Variants in WWOX observed in about 807,000 individuals in gnomAD.
The protein encoded by WWOX is WW domain-containing oxidoreductase.
Under a neutral mutation model 46.2 loss-of-function variants are expected in WWOX, and 69 were observed. The observed-to-expected ratio is 1.49, with a 90% CI of 1.23 to 1.82. The LOEUF is 1.82. Ranked by LOEUF, WWOX falls within the 40% of genes most tolerant of loss-of-function variation. The pLI is 0.00. For synonymous variants in WWOX, 359 were observed against 202.6 expected (o/e 1.77, Z -6.56); for missense variants, 919 against 542.6 (o/e 1.69, Z -6.89).
chr16:78,736,784 AT>A (rs1426523570), intron 8 of WWOX, among the ~76,000 whole-genome samples: 1 of 151,948 alleles, frequency 6.6e-6, no homozygotes. Flanking sequence ...ATTTTTAAAA[AT>A]TTTTTTAGAC....
intron 5 of WWOX, among the ~76,000 whole-genome samples, chr16:78,220,780 A>G (rs995463963): frequency 5.3e-5 from 8 of 152,202 alleles, no homozygotes; most frequent in Non-Finnish European, 8.8e-5. Flanking sequence ...GTGATGAGTA[A>G]GTACCACCAT....
intron 8 of WWOX, among the ~76,000 whole-genome samples, chr16:78,997,376 G>C (rs550147863): frequency 2.0e-5 from 3 of 152,210 alleles, no homozygotes; most frequent in South Asian, 2.1e-4. Context: ...GCTTGGGTCT[G>C]TTTCTATTCT....
At chr16:78,907,063 A>G (rs1216469553) in intron 8 of WWOX, among the ~76,000 whole-genome samples, 1 of 152,158 alleles carries the variant, frequency 6.6e-6, no homozygotes, top group Non-Finnish European at 1.5e-5. Flanking sequence ...AGAGCCAGCT[A>G]AACGGGAGAC....
At chr16:79,133,912 G>C (rs1276722673) in intron 8 of WWOX, among the ~76,000 whole-genome samples, 1 of 152,130 alleles carries the variant, frequency 6.6e-6, no homozygotes, top group Non-Finnish European at 1.5e-5. Flanking sequence ...GCATTTGTCA[G>C]GGAAGAGATT....
chr16:78,444,991 G>C (rs111946824), intron 8 of WWOX, among the ~76,000 whole-genome samples: 1 of 152,006 alleles, frequency 6.6e-6, no homozygotes, highest in African/African-American at 2.4e-5. Context: ...TAGTTCTTCT[G>C]TGTGTGTTTC....
At chr16:78,925,287 T>A (rs984953105) in intron 8 of WWOX, among the ~76,000 whole-genome samples, 2 of 152,184 alleles carry the variant, frequency 1.3e-5, no homozygotes. Context: ...GGTGGCAGCA[T>A]ACTGGGATTG....
chr16:79,191,092 C>T (rs1192884657), intron 8 of WWOX, among the ~76,000 whole-genome samples: 3 of 152,102 alleles, frequency 2.0e-5, no homozygotes, highest in East Asian at 1.9e-4. Flanking sequence ...GTTGCAGTGT[C>T]GCCCAGGCTG....
chr16:78,648,271 G>T (rs2046888905), intron 8 of WWOX, among the ~76,000 whole-genome samples: 1 of 152,218 alleles, frequency 6.6e-6, no homozygotes, highest in South Asian at 2.1e-4. Flanking sequence ...CTGGTTTTTA[G>T]ATAGTCTGGA....
At chr16:78,659,926 C>T (rs537412073) in intron 8 of WWOX, among the ~76,000 whole-genome samples, 2 of 152,298 alleles carry the variant, frequency 1.3e-5, no homozygotes, top group East Asian at 3.9e-4. Context: ...GGGCTGTCAC[C>T]ACCAGAAATT....
rs780339512 is a variant in WWOX at position 79,211,827 on chromosome 16, C to A, written c.*31C>A. The A allele has an allele frequency of 1.2e-6, 2 of 1,613,214 alleles. No individual in the cohort carries two copies. On this transcript the variant is annotated 3_prime_UTR_variant, in exon 9 of 9. Coordinates refer to ENST00000566780, the MANE Select transcript of WWOX (RefSeq NM_016373.4). Reference sequence around the variant, plus strand: ...GCTCAGAGCGGATGGGCACACACACCCGCCCTGTGTGTGTCCCCTCACGCA... The same window carrying A: ...GCTCAGAGCGGATGGGCACACACACACGCCCTGTGTGTGTCCCCTCACGCA...
rs2034368512 is a variant in WWOX at position 78,150,546 on chromosome 16, G to A, written c.410-13637G>A. On this transcript the variant is annotated intron_variant, in intron 4 of 8. Coordinates refer to ENST00000566780, the MANE Select transcript of WWOX (RefSeq NM_016373.4). Reference sequence around the variant, plus strand: ...GTTGCACACCACCATGCCTGGCTAAGTTTTTTTGTTTTGTTTATTAGAGAC... The same window carrying A: ...GTTGCACACCACCATGCCTGGCTAAATTTTTTTGTTTTGTTTATTAGAGAC... 2.0e-5 allele frequency among the ~76,000 whole-genome samples: 3 copies of A among 151,984 alleles called. No individual in the cohort carries two copies. In the South Asian group the frequency reaches 6.2e-4, roughly 32 times the overall value.
At chr16:78,152,120 G>A (rs2034432528) in intron 4 of WWOX, among the ~76,000 whole-genome samples, 2 of 152,084 alleles carry the variant, frequency 1.3e-5, no homozygotes, top group Non-Finnish European at 2.9e-5. Context: ...AACCCGGGAG[G>A]CGGAGCTTGA....
chr16:78,356,071 T>TAAAAAAAAAAAAAAAAAAAAAA (rs61113878), intron 5 of WWOX, among the ~76,000 whole-genome samples: 41 of 76,136 alleles, frequency 5.4e-4, no homozygotes, highest in African/African-American at 1.3e-3. Flanking sequence ...TTTTTTTTCC[T>TAAAAAAAAAAAAAAAAAAAAAA]AAAAAAAAAA....
At chr16:78,177,843 G>T (rs1023403411) in intron 5 of WWOX, among the ~76,000 whole-genome samples, 1 of 152,208 alleles carries the variant, frequency 6.6e-6, no homozygotes, top group Non-Finnish European at 1.5e-5. Context: ...TGGGCGCAAA[G>T]AGCAGAAAAG....
chr16:78,260,553 A>G (rs2079204469), intron 5 of WWOX, among the ~76,000 whole-genome samples: 1 of 151,228 alleles, frequency 6.6e-6, no homozygotes, highest in South Asian at 2.1e-4. Flanking sequence ...CTGTAATCCC[A>G]CCTACTTGGG....
chr16:78,321,404 G>GTA (rs200078504), intron 5 of WWOX, among the ~76,000 whole-genome samples: 54 of 119,744 alleles, frequency 4.5e-4, no homozygotes, highest in Non-Finnish European at 6.7e-4. Flanking sequence ...GTATATATAC[G>GTA]TATATATATA....
At chr16:78,197,111 C>T (rs539107812) in intron 5 of WWOX, among the ~76,000 whole-genome samples, 1 of 152,294 alleles carries the variant, frequency 6.6e-6, no homozygotes, top group East Asian at 1.9e-4. Flanking sequence ...CTCCATTATT[C>T]CTTATTCCTT....
At chr16:78,122,005 A>C (rs1256977683) in intron 4 of WWOX, among the ~76,000 whole-genome samples, 1 of 152,194 alleles carries the variant, frequency 6.6e-6, no homozygotes, top group East Asian at 1.9e-4. Flanking sequence ...GTCAACAGGC[A>C]TCTGAAAATA....
At chr16:78,856,008 T>G (rs1384859585) in intron 8 of WWOX, among the ~76,000 whole-genome samples, 1 of 152,168 alleles carries the variant, frequency 6.6e-6, no homozygotes, top group African/African-American at 2.4e-5. Flanking sequence ...GTGACTAACT[T>G]TATCTAACTT....
Sources: allele counts gnomAD v4.1 joint callset (sites outside exome capture counted in the v4.1 genomes callset), GRCh38; gene constraint gnomAD v4.1.1; transcripts MANE v1.5; gene names NCBI Gene and HGNC (gene_info 2026-07-23, HGNC 2026-07-21).